Variants in NAV2 observed in about 807,000 individuals in gnomAD.
NAV2 encodes helicase, APC down-regulated 1.
Under a neutral mutation model 223.2 loss-of-function variants are expected in NAV2, and 54 were observed. That is an observed-to-expected ratio of 0.24 (90% confidence interval 0.19 to 0.30). The LOEUF is 0.30. Among genes scored for constraint, NAV2 ranks in the 10% least tolerant of loss-of-function variants. NAV2 has a pLI of 1.00. For missense variants in NAV2, 2,806 were observed against 3,147.5 expected (o/e 0.89, Z 2.60); for synonymous variants, 1,279 against 1,239.3 (o/e 1.03, Z -0.67).
chr11:19,377,311 T>G (rs973619537), intron 1 of NAV2, among the ~76,000 whole-genome samples: 2 of 152,204 alleles, frequency 1.3e-5, no homozygotes. Flanking sequence ...GGGCTGGCCA[T>G]GCCTTCTTAT....
At chr11:19,973,461 G>A (rs1467919698) in intron 10 of NAV2, among the ~76,000 whole-genome samples, 1 of 152,192 alleles carries the variant, frequency 6.6e-6, no homozygotes, top group Non-Finnish European at 1.5e-5. Context: ...TGCATCAGAA[G>A]TGTTCGGGAG....
At chr11:19,900,863 C>T (rs2042390719) in intron 6 of NAV2, among the ~76,000 whole-genome samples, 1 of 152,196 alleles carries the variant, frequency 6.6e-6, no homozygotes, top group African/African-American at 2.4e-5. Flanking sequence ...GTCAAATTCT[C>T]GTCCAAAAGA....
intron 1 of NAV2, among the ~76,000 whole-genome samples, chr11:19,518,795 T>C (rs188253277): frequency 5.7e-4 from 87 of 152,310 alleles, no homozygotes; most frequent in African/African-American, 1.9e-3. Context: ...TTTGCGCCCC[T>C]ACTCAAAATT....
At chr11:20,023,254 A>G in intron 11 of NAV2, 2 of 366,624 alleles carry the variant, frequency 5.5e-6, no homozygotes, top group East Asian at 2.3e-4. Flanking sequence ...TGCCTAAATC[A>G]CTGTGAGCTA....
Position 19,946,476 on chromosome 11 carries a change from T to C in NAV2, c.2222T>C (p.Met741Thr). The C allele has an allele frequency of 2.5e-6, 4 of 1,613,762 alleles. No individual in the cohort carries two copies. The highest frequency in any genetic ancestry group is 3.4e-6 in the Non-Finnish European group (4 of 1,179,888). The change falls in exon 9 of 38, where the codon ATG becomes ACG. Residue 741 changes from methionine (M) to threonine (T), a missense_variant. This residue lies in a region of NAV2 where 1,167 missense variants were observed against 1,180.5 expected (regional missense o/e 0.99). Transcript: ENST00000349880. ...CTGCGGCAGAATTTGGAGGAAACCA[T>C]GTCCAGTTTAAGGGGAACTCAGGTT... ...ADLRQNLEET[M>T]SSLRGTQVTH...
At chr11:19,575,072 A>G (rs2045534976) in intron 1 of NAV2, among the ~76,000 whole-genome samples, 1 of 152,188 alleles carries the variant, frequency 6.6e-6, no homozygotes, top group African/African-American at 2.4e-5. Context: ...ATCAGCCTGC[A>G]TCTTCAAGGG....
chr11:19,935,856 T>TTTTTTTTTG (rs1565594556), intron 7 of NAV2, among the ~76,000 whole-genome samples: 6 of 98,122 alleles, frequency 6.1e-5, no homozygotes, highest in Non-Finnish European at 8.7e-5. Context: ...TTTCTGTTTT[T>TTTTTTTTTG]TTTTTTTTTT....
chr11:20,046,803 T>C (rs1242698794), intron 14 of NAV2, among the ~76,000 whole-genome samples: 1 of 152,236 alleles, frequency 6.6e-6, no homozygotes. Context: ...TATCTTATTA[T>C]AATATCCACT....
chr11:19,632,695 C>G (rs755636229), intron 1 of NAV2, among the ~76,000 whole-genome samples: 4 of 152,166 alleles, frequency 2.6e-5, no homozygotes, highest in Non-Finnish European at 5.9e-5. Flanking sequence ...AATATGCCTT[C>G]GACCTTTCTC....
chr11:19,712,224 T>G (rs951421080), upstream of NAV2: 2 of 152,236 alleles, frequency 1.3e-5, no homozygotes, highest in African/African-American at 4.8e-5. Context: ...CTGTGGTAGG[T>G]TGCGTGGAGG....
intron 1 of NAV2, among the ~76,000 whole-genome samples, chr11:19,813,725 C>G (rs1009553141): frequency 3.9e-5 from 6 of 152,186 alleles, no homozygotes; most frequent in Non-Finnish European, 8.8e-5. Flanking sequence ...ACTAGACACT[C>G]CCAGAGAGGG....
intron 27 of NAV2, among the ~76,000 whole-genome samples, chr11:20,091,647 C>T (rs1352991581): frequency 6.6e-6 from 1 of 152,164 alleles, no homozygotes; most frequent in Non-Finnish European, 1.5e-5. Flanking sequence ...CAATGCCTTG[C>T]ACATTGTAGG....
chr11:19,819,224 G>A (rs1023612330), intron 1 of NAV2, among the ~76,000 whole-genome samples: 5 of 152,170 alleles, frequency 3.3e-5, no homozygotes, highest in Non-Finnish European at 7.3e-5. Context: ...CAGGATAAAG[G>A]CAGATGCAAA....
Position 20,045,374 on chromosome 11 carries a change from G to A in NAV2, c.3606G>A (p.Arg1202=). ...CGAGGCCCAGTAAGTCCAACAGCCG[G>A]AACGGGGCTGGGAACAGGTCTAGCA... ...SLPRPSKSNS[R]NGAGNRSSTS... The change falls in exon 14 of 38, where the codon CGG becomes CGA. Residue 1202 remains arginine, a synonymous_variant. Transcript: ENST00000349880. 6.2e-7 allele frequency: 1 copy of A among 1,614,160 alleles called. No homozygotes were observed. The highest frequency in any genetic ancestry group is 2.2e-5 in the East Asian group (1 of 44,884).
At chr11:19,626,153 G>C (rs1212707033) in intron 1 of NAV2, among the ~76,000 whole-genome samples, 1 of 152,060 alleles carries the variant, frequency 6.6e-6, no homozygotes, top group Admixed American at 6.5e-5. Flanking sequence ...TCTTTGAGTA[G>C]TTTTATAGTT....
chr11:19,624,065 G>A (rs566861184), intron 1 of NAV2, among the ~76,000 whole-genome samples: 33 of 152,286 alleles, frequency 2.2e-4, no homozygotes, highest in Non-Finnish European at 3.4e-4. Flanking sequence ...TATCACCAGC[G>A]GAGGCTGCAG....
intron 7 of NAV2, among the ~76,000 whole-genome samples, chr11:19,936,575 G>T (rs2045926495): frequency 1.3e-5 from 2 of 152,118 alleles, no homozygotes; most frequent in South Asian, 4.2e-4. Flanking sequence ...CATCTTTAGG[G>T]TAGTCTGGGA....
chr11:19,915,371 C>T (rs188924290), intron 6 of NAV2, among the ~76,000 whole-genome samples: 4 of 152,042 alleles, frequency 2.6e-5, no homozygotes, highest in Non-Finnish European at 5.9e-5. Context: ...ACCGAATCAC[C>T]ATTTCTCCTC....
chr11:19,590,201 T>C (rs1472024422), intron 1 of NAV2, among the ~76,000 whole-genome samples: 3 of 152,224 alleles, frequency 2.0e-5, no homozygotes, highest in Non-Finnish European at 4.4e-5. Flanking sequence ...GTAAAGCATT[T>C]ATAACGGTTC....
Sources: allele counts gnomAD v4.1 joint callset (sites outside exome capture counted in the v4.1 genomes callset), GRCh38; gene constraint gnomAD v4.1.1; regional missense constraint gnomAD v4.1.1; transcripts MANE v1.5; gene names NCBI Gene and HGNC (gene_info 2026-07-23, HGNC 2026-07-21).